Variants in RAB38 observed in about 807,000 individuals in gnomAD.
The protein encoded by RAB38 is RAB38, member RAS oncogene family.
RAB38 carries 15 observed loss-of-function variants against 18.4 expected under a neutral mutation model. That is an observed-to-expected ratio of 0.82 (90% CI 0.55 to 1.26). The LOEUF is 1.26. Ranked by LOEUF, RAB38 falls within the 50% of genes most tolerant of loss-of-function variation. RAB38 has a pLI of 0.00. For missense variants in RAB38, 294 were observed against 267.4 expected, an observed-to-expected ratio of 1.10 and a Z score of -0.69; for synonymous variants, 101 against 104.4, an observed-to-expected ratio of 0.97 and a Z score of 0.20.
chr11:87,936,541 C>G, the RAB38 span, among the ~76,000 whole-genome samples: 1 of 152,110 alleles, frequency 6.6e-6, no homozygotes, highest in Non-Finnish European at 1.5e-5. Flanking sequence ...ATCCATACCA[C>G]ACCATCAGTA....
At chr11:87,968,083 C>T in the RAB38 span, among the ~76,000 whole-genome samples, 1 of 152,112 alleles carries the variant, frequency 6.6e-6, no homozygotes, top group East Asian at 1.9e-4. Flanking sequence ...TATTATTTGG[C>T]TTATTTTCAA....
the RAB38 span, among the ~76,000 whole-genome samples, chr11:87,921,019 G>A: frequency 6.6e-6 from 1 of 151,986 alleles, no homozygotes; most frequent in Non-Finnish European, 1.5e-5. Flanking sequence ...CCTTCTTGAT[G>A]CATCATAACA....
chr11:88,017,051 C>T, the RAB38 span, among the ~76,000 whole-genome samples: 1 of 151,984 alleles, frequency 6.6e-6, no homozygotes, highest in Non-Finnish European at 1.5e-5. Flanking sequence ...TCATAAAAAG[C>T]TTCACAGACA....
At chr11:88,134,227 T>C (rs1270585979) in intron 2 of RAB38, among the ~76,000 whole-genome samples, 1 of 152,116 alleles carries the variant, frequency 6.6e-6, no homozygotes, top group African/African-American at 2.4e-5. Flanking sequence ...ATTCAAAAAC[T>C]GCCAACTCTA....
At chr11:87,954,507 C>T in the RAB38 span, among the ~76,000 whole-genome samples, 2 of 151,212 alleles carry the variant, frequency 1.3e-5, no homozygotes, top group Non-Finnish European at 2.9e-5. Flanking sequence ...AGTCTCAATA[C>T]CTACTGAAAG....
At chr11:88,088,505 CT>C in the RAB38 span, among the ~76,000 whole-genome samples, 1 of 151,752 alleles carries the variant, frequency 6.6e-6, no homozygotes, top group Admixed American at 6.6e-5. Context: ...TTTATGAAGA[CT>C]AAGTCTTCTA....
the RAB38 span, among the ~76,000 whole-genome samples, chr11:87,878,829 CTT>C: frequency 1.3e-5 from 2 of 151,704 alleles, no homozygotes; most frequent in African/African-American, 2.4e-5. Flanking sequence ...AAAAATGTGA[CTT>C]TGGCTCAAGG....
the RAB38 span, among the ~76,000 whole-genome samples, chr11:87,903,940 G>A: frequency 6.6e-6 from 1 of 150,908 alleles, no homozygotes; most frequent in Admixed American, 6.6e-5. Flanking sequence ...TTGTCTGGGA[G>A]TTTATTATTT....
chr11:87,893,333 T>C, the RAB38 span, among the ~76,000 whole-genome samples: 3 of 134,638 alleles, frequency 2.2e-5, no homozygotes, highest in Non-Finnish European at 4.7e-5. Context: ...CATATATATA[T>C]TTTACACACA....
chr11:88,119,583 G>A (rs1395290733), intron 2 of RAB38, among the ~76,000 whole-genome samples: 1 of 151,462 alleles, frequency 6.6e-6, no homozygotes, highest in African/African-American at 2.4e-5. Flanking sequence ...CAGAGGTCCT[G>A]GTTACTTGTC....
chr11:87,870,078 T>C, the RAB38 span, among the ~76,000 whole-genome samples: 32 of 151,698 alleles, frequency 2.1e-4, 1 homozygote, highest in Middle Eastern at 3.2e-3. Flanking sequence ...TCTGGAAACA[T>C]ATAAGATGTT....
chr11:87,819,092 G>C, the RAB38 span, among the ~76,000 whole-genome samples: 1 of 152,226 alleles, frequency 6.6e-6, no homozygotes, highest in African/African-American at 2.4e-5. Flanking sequence ...CAGGTTTGCG[G>C]ATTTCTGTTG....
intron 2 of RAB38, among the ~76,000 whole-genome samples, chr11:88,121,858 G>A (rs1942634584): frequency 6.6e-6 from 1 of 152,204 alleles, no homozygotes; most frequent in African/African-American, 2.4e-5. Context: ...TGCCGCGCCG[G>A]CCCAGAGCCC....
chr11:87,873,039 C>A, the RAB38 span, among the ~76,000 whole-genome samples: 14 of 151,650 alleles, frequency 9.2e-5, 1 homozygote, highest in East Asian at 2.7e-3. Context: ...AGATTGTCTT[C>A]CATCATAGTT....
At chr11:87,949,742 G>T in the RAB38 span, among the ~76,000 whole-genome samples, 1 of 152,214 alleles carries the variant, frequency 6.6e-6, no homozygotes, top group Non-Finnish European at 1.5e-5. Context: ...TGATTGCACT[G>T]TGATCTGAGA....
the RAB38 span, among the ~76,000 whole-genome samples, chr11:88,037,376 T>C: frequency 1.3e-5 from 2 of 152,120 alleles, no homozygotes; most frequent in African/African-American, 4.8e-5. Context: ...GTTCATTTGG[T>C]AGTTTTACCC....
chr11:88,145,827 T>C (rs1311382531), intron 2 of RAB38, among the ~76,000 whole-genome samples: 1 of 152,098 alleles, frequency 6.6e-6, no homozygotes, highest in Non-Finnish European at 1.5e-5. Context: ...GTATTATTAA[T>C]AATTATGCTG....
At chr11:88,116,759 A>T (rs1193526906) in intron 2 of RAB38, among the ~76,000 whole-genome samples, 2 of 152,254 alleles carry the variant, frequency 1.3e-5, no homozygotes, top group Non-Finnish European at 2.9e-5. Flanking sequence ...TTTAAACATT[A>T]GAAAGGGCCT....
At chr11:87,950,580 G>A in the RAB38 span, among the ~76,000 whole-genome samples, 1 of 152,100 alleles carries the variant, frequency 6.6e-6, no homozygotes, top group Non-Finnish European at 1.5e-5. Flanking sequence ...AGGCAGGCCT[G>A]GTAGTGACAA....
Sources: gnomAD v4.1 joint callset for allele counts (sites outside exome capture counted in the v4.1 genomes callset) on GRCh38, gnomAD v4.1.1 for gene constraint, MANE v1.5 for transcripts, NCBI Gene and HGNC (gene_info 2026-07-23, HGNC 2026-07-21) for gene names.